Variants in ZMYND11 observed in about 807,000 individuals in gnomAD.
ZMYND11 encodes the protein zinc finger MYND-type containing 11.
Under a neutral mutation model 84.9 loss-of-function variants are expected in ZMYND11, and 9 were observed. The ratio of observed to expected loss-of-function variants is 0.11; its 90% CI spans 0.06 to 0.18. The LOEUF is 0.18. Among genes scored for constraint, ZMYND11 ranks in the 10% least tolerant of loss-of-function variants. ZMYND11 has a pLI of 1.00. For missense variants in ZMYND11, 409 were observed against 761.0 expected (o/e 0.54, Z 5.44); for synonymous variants, 250 against 244.1 (o/e 1.02, Z -0.23).
upstream of ZMYND11, among the ~76,000 whole-genome samples, chr10:132,052 G>C (rs1287736344): frequency 6.6e-6 from 1 of 151,970 alleles, no homozygotes; most frequent in East Asian, 1.9e-4. Context: ...TCTAATAGAG[G>C]AGAAGATAAG....
chr10:145,874 G>T (rs977834263), intron 1 of ZMYND11, among the ~76,000 whole-genome samples: 2 of 152,094 alleles, frequency 1.3e-5, no homozygotes, highest in Non-Finnish European at 2.9e-5. Context: ...CTGTGCAGAA[G>T]ATTTTTAGTT....
At chr10:250,755 C>T (rs1007063378) in intron 14 of ZMYND11, among the ~76,000 whole-genome samples, 2 of 152,122 alleles carry the variant, frequency 1.3e-5, no homozygotes, top group African/African-American at 2.4e-5. Flanking sequence ...TCTTTCTTCT[C>T]GGCCAGGCTC....
At chr10:177,484 C>A (rs557781159) in intron 1 of ZMYND11, among the ~76,000 whole-genome samples, 1 of 152,212 alleles carries the variant, frequency 6.6e-6, no homozygotes, top group South Asian at 2.1e-4. Context: ...TGTAGCATTG[C>A]TTCATTCTTT....
At position 135,581 on chromosome 10, in the gene ZMYND11, G is replaced by A. The variant is rs1424736054; in HGVS notation, c.-20+22G>A. The stretch of plus-strand genomic sequence containing the variant: ...AATGGTGGGGAAAGCTCGGCGGCGG[G>A]GCGGCGGGGCGGGCGGGGGCGTCCG... On this transcript the variant is annotated intron_variant, in intron 1 of 14. Coordinates refer to ENST00000381604, the MANE Select transcript of ZMYND11 (RefSeq NM_001370100.5). This position sits in a 1 kb window ranked among gnomAD's most constrained non-coding sequence, Gnocchi z 5.6. The A allele has an allele frequency of 6.6e-6, 1 of 150,618 alleles. No individual in the cohort carries two copies. Among genetic ancestry groups the A allele is most frequent in the Admixed American group, 6.6e-5 (1 of 15,054 alleles). 9.3% of individuals were successfully genotyped at this position (150,618 alleles called of 1,614,324 possible). A position where few individuals can be genotyped will look rare whatever the true frequency, so the allele number is the denominator to read the frequency against.
At chr10:224,072 C>T (rs942037023) in intron 4 of ZMYND11, among the ~76,000 whole-genome samples, 3 of 152,072 alleles carry the variant, frequency 2.0e-5, no homozygotes, top group Admixed American at 6.6e-5. Context: ...ACCATTACTA[C>T]CTAAAACTGA....
intron 1 of ZMYND11, among the ~76,000 whole-genome samples, chr10:168,630 T>C (rs1383905924): frequency 6.6e-6 from 1 of 152,112 alleles, no homozygotes; most frequent in Non-Finnish European, 1.5e-5. Flanking sequence ...AGCTCATAAG[T>C]AACCATGCTG....
intron 2 of ZMYND11, among the ~76,000 whole-genome samples, chr10:183,042 T>C (rs1295891713): frequency 6.6e-6 from 1 of 152,218 alleles, no homozygotes; most frequent in Non-Finnish European, 1.5e-5. Flanking sequence ...TTTTGACTGA[T>C]GAGTGACGCC....
chr10:138,110 GTTT>G (rs1198726870), intron 1 of ZMYND11, among the ~76,000 whole-genome samples: 2 of 133,038 alleles, frequency 1.5e-5, no homozygotes. Flanking sequence ...TTCTGTTGGC[GTTT>G]TTTTTTTTTT....
chr10:237,514 A>AGCTT (rs1950185325), intron 5 of ZMYND11, 71 bp from the exon 6 acceptor site: 3 of 912,600 alleles, frequency 3.3e-6, no homozygotes, highest in Non-Finnish European at 5.1e-6. Flanking sequence ...AAATATTTTG[A>AGCTT]GCTTTAGGAA....
intron 1 of ZMYND11, among the ~76,000 whole-genome samples, chr10:174,242 A>T (rs1456427792): frequency 5.9e-5 from 9 of 152,218 alleles, no homozygotes; most frequent in Admixed American, 5.9e-4. Context: ...ATCATGCCAT[A>T]AAAAGCTATG....
In ZMYND11 at chr10:248,952, T is replaced by C. The variant is rs781271016; in HGVS notation, c.1550T>C (p.Val517Ala). The C allele has an allele frequency of 3.7e-5, 60 of 1,614,036 alleles. 1 individual carries two copies. ...AAGAGACAAGCTGTAAATAAAGCTG[T>C]AGCCAACATGCAGGGTGAGATGGAC... ...EEKRQAVNKAVANMQGEMDRK... is the reference protein window; with the variant it reads ...EEKRQAVNKAAANMQGEMDRK... Residue 517 changes from valine to alanine, a missense_variant, in exon 14 of 15, where the codon GTA (valine) becomes GCA (alanine). Val to Ala is a moderately conservative substitution (Grantham distance 64). This residue lies in a region of ZMYND11 where 141 missense variants were observed against 173.8 expected (regional missense o/e 0.81). Coordinates refer to ENST00000381604, the MANE Select transcript of ZMYND11 (RefSeq NM_001370100.5).
chr10:139,548 C>T (rs1836964288), intron 1 of ZMYND11, among the ~76,000 whole-genome samples: 1 of 152,070 alleles, frequency 6.6e-6, no homozygotes, highest in African/African-American at 2.4e-5. Context: ...TTTGTCTTCT[C>T]TTAGTCTCCA....
upstream of ZMYND11, chr10:135,045 G>C (rs1482783304): frequency 2.0e-5 from 3 of 149,224 alleles, no homozygotes; most frequent in Non-Finnish European, 4.5e-5. This position sits in a 1 kb window ranked among gnomAD's most constrained non-coding sequence, Gnocchi z 5.6. Context: ...GAGGGCGGGC[G>C]GGCCGAGGGG....
chr10:144,406 A>G (rs1838220267), intron 1 of ZMYND11, among the ~76,000 whole-genome samples: 1 of 151,924 alleles, frequency 6.6e-6, no homozygotes, highest in South Asian at 2.1e-4. Context: ...TTTTTGGCAG[A>G]GGGGAGAGTT....
chr10:173,816 TATATC>T (rs1242356774), intron 1 of ZMYND11, among the ~76,000 whole-genome samples: 2 of 152,158 alleles, frequency 1.3e-5, no homozygotes, highest in Admixed American at 1.3e-4. Flanking sequence ...TTCAATATCA[TATATC>T]ATTAGGGAAT....
In ZMYND11 at chr10:226,642, A is replaced by G. The variant is rs189434080; in HGVS notation, c.438+5286A>G. Among the ~76,000 whole-genome samples, 3 of 152,316 alleles carry G rather than the reference A, an allele frequency of 2.0e-5. No homozygotes were observed. The East Asian group carries it at 5.8e-4, about 29-fold the overall frequency. ...ATTTTGTATGATGTGCTTTTACAGT[A>G]AGTGAGTTACAGAGAAAGTGAGTAA... On this transcript the variant is annotated intron_variant, in intron 4 of 14. Transcript: ENST00000381604.
chr10:151,421 C>T (rs545122863), intron 1 of ZMYND11, among the ~76,000 whole-genome samples: 3 of 152,214 alleles, frequency 2.0e-5, no homozygotes, highest in African/African-American at 7.2e-5. Context: ...GACGAATGCA[C>T]AAGCTTCAGT....
At chr10:242,365 C>G (rs1411373947) in intron 10 of ZMYND11, among the ~76,000 whole-genome samples, 2 of 152,092 alleles carry the variant, frequency 1.3e-5, no homozygotes, top group African/African-American at 4.8e-5. Flanking sequence ...ACTTCAGAAG[C>G]ACATTACGGT....
chr10:185,166 C>T (rs1937854786), intron 2 of ZMYND11, among the ~76,000 whole-genome samples: 2 of 152,014 alleles, frequency 1.3e-5, no homozygotes, highest in African/African-American at 4.8e-5. Context: ...TCAAGTGGGC[C>T]TACTGTGCTT....
Sources: gnomAD v4.1 joint callset for allele counts (sites outside exome capture counted in the v4.1 genomes callset) on GRCh38, gnomAD v4.1.1 for gene constraint, gnomAD v4.1.1 regional missense constraint, Gnocchi (gnomAD v3.1) non-coding constraint, MANE v1.5 for transcripts, NCBI Gene and HGNC (gene_info 2026-07-23, HGNC 2026-07-21) for gene names.